The following NHSL2 variants were observed in gnomAD, a reference collection of about 807,000 sequenced individuals.
The protein encoded by NHSL2 is NHS like 2, also known as NHS-like protein 2.
Under a neutral mutation model 53.4 loss-of-function variants are expected in NHSL2, and 27 were observed. The observed-to-expected ratio is 0.51, with a 90% CI of 0.37 to 0.70. The LOEUF (loss-of-function observed/expected upper bound fraction) is 0.70. Ranked by LOEUF, NHSL2 falls within the 30% of genes least tolerant of loss-of-function variation. The pLI is 0.00. For synonymous variants in NHSL2, 408 were observed against 404.1 expected (o/e 1.01, Z -0.12); for missense variants, 892 against 980.1 (o/e 0.91, Z 1.20).
intron 1 of NHSL2, among the ~76,000 whole-genome samples, chrX:71,924,143 T>C (rs1457093030): frequency 1.8e-5 from 2 of 111,931 alleles, no homozygotes; most frequent in African/African-American, 6.5e-5. Flanking sequence ...TCTTAGCATT[T>C]AGTTGGGGAG....
At chrX:71,977,651 G>A (rs999764094) in intron 1 of NHSL2, among the ~76,000 whole-genome samples, 11 of 110,982 alleles carry the variant, frequency 9.9e-5, no homozygotes, top group African/African-American at 2.9e-4. Flanking sequence ...GAGCTCAAGC[G>A]ATCCACCCTC....
intron 1 of NHSL2, chrX:72,079,635 A>G (rs1346438218): frequency 8.9e-6 from 1 of 112,778 alleles, no homozygotes; most frequent in Non-Finnish European, 1.9e-5. Context: ...GTTCCAGGCC[A>G]AGAGAGAAAG....
intron 1 of NHSL2, among the ~76,000 whole-genome samples, chrX:71,954,814 T>A (rs973350533): frequency 8.9e-6 from 1 of 112,414 alleles, no homozygotes; most frequent in African/African-American, 3.2e-5. Flanking sequence ...TACCCTAGTG[T>A]CCTTTGTTTT....
At chrX:72,103,433 G>A (rs745457812) in intron 1 of NHSL2, among the ~76,000 whole-genome samples, 3 of 112,113 alleles carry the variant, frequency 2.7e-5, no homozygotes, top group Admixed American at 9.5e-5. Context: ...GTTTCTCACC[G>A]AGGGCATCAT....
intron 1 of NHSL2, among the ~76,000 whole-genome samples, chrX:72,102,829 AT>A (rs2042006258): frequency 8.9e-6 from 1 of 112,190 alleles, no homozygotes; most frequent in African/African-American, 3.2e-5. Context: ...GGCCTGGGAA[AT>A]AGGGAGCAGG....
chrX:72,028,668 G>C (rs751612182), intron 1 of NHSL2, among the ~76,000 whole-genome samples: 1 of 112,145 alleles, frequency 8.9e-6, no homozygotes, highest in South Asian at 3.7e-4. Flanking sequence ...GTTGGCACTA[G>C]AGTGGGTACA....
chrX:71,932,725 T>C (rs1053553891), intron 1 of NHSL2, among the ~76,000 whole-genome samples: 2 of 112,050 alleles, frequency 1.8e-5, no homozygotes, highest in African/African-American at 6.5e-5. Context: ...GGAGGAATCA[T>C]TGTTACTGAG....
intron 1 of NHSL2, among the ~76,000 whole-genome samples, chrX:72,012,794 A>G (rs918255629): frequency 8.9e-6 from 1 of 112,367 alleles, no homozygotes; most frequent in African/African-American, 3.2e-5. Context: ...CAAAAAGGCT[A>G]TCTTTCTTCC....
chrX:72,140,746 C>T lies in NHSL2; in HGVS notation c.3198C>T (p.Asp1066=), dbSNP rs2042412227. The change falls in exon 6 of 8, where the codon GAC becomes GAT. Residue 1066 remains aspartate (D), a synonymous_variant. Coordinates refer to ENST00000633930, the MANE Select transcript of NHSL2 (RefSeq NM_001013627.3). The part of the protein sequence containing the change: ...GQRVTSTPQA[D]SEREASPLGS... ...GGGTGACTTCAACTCCTCAGGCTGA[C>T]AGTGAAAGGGAGGCAAGCCCTCTGG... The T allele has an allele frequency of 8.4e-7, 1 of 1,185,017 alleles. No individual in the cohort carries two copies. Among genetic ancestry groups the T allele is most frequent in the African/African-American group, 1.8e-5 (1 of 56,612 alleles).
At chrX:72,051,408 C>G (rs1400479747) in intron 1 of NHSL2, among the ~76,000 whole-genome samples, 1 of 111,872 alleles carries the variant, frequency 8.9e-6, no homozygotes, top group Non-Finnish European at 1.9e-5. Flanking sequence ...CAAAATCGCT[C>G]TTTCAGATGG....
intron 1 of NHSL2, among the ~76,000 whole-genome samples, chrX:72,118,831 C>T (rs2042160688): frequency 8.9e-6 from 1 of 112,122 alleles, no homozygotes; most frequent in Admixed American, 9.5e-5. Context: ...AATGTCATAT[C>T]TAAGAAACCA....
chrX:72,142,450 A>G, intron 7 of NHSL2, 86 bp downstream of exon 7: 11 of 761,050 alleles, frequency 1.4e-5, no homozygotes, highest in Non-Finnish European at 2.0e-5. Flanking sequence ...TTGAAATCCT[A>G]ATTGTAAAAG....
At chrX:72,084,292 T>C (rs1234730594) in intron 1 of NHSL2, among the ~76,000 whole-genome samples, 2 of 112,335 alleles carry the variant, frequency 1.8e-5, no homozygotes, top group South Asian at 3.7e-4. Flanking sequence ...TCACTTGGAA[T>C]TGAGGCTTTC....
chrX:71,925,436 T>C (rs182576533), intron 1 of NHSL2, among the ~76,000 whole-genome samples: 1 of 109,152 alleles, frequency 9.2e-6, no homozygotes, highest in East Asian at 2.9e-4. Context: ...TTTTTTTTTT[T>C]AAGACGGAGT....
At chrX:72,018,524 G>A (rs1260092612) in intron 1 of NHSL2, among the ~76,000 whole-genome samples, 2 of 113,075 alleles carry the variant, frequency 1.8e-5, no homozygotes, top group East Asian at 5.7e-4. Flanking sequence ...GCGTTGCCGC[G>A]CCGCTACCGT....
intron 1 of NHSL2, among the ~76,000 whole-genome samples, chrX:71,970,517 T>C (rs950072896): frequency 2.7e-5 from 3 of 111,647 alleles, no homozygotes; most frequent in African/African-American, 9.7e-5. Context: ...TGTTGCCATA[T>C]AGTTGTTCAT....
chrX:71,944,073 C>CT (rs2041781367), intron 1 of NHSL2, among the ~76,000 whole-genome samples: 1 of 112,287 alleles, frequency 8.9e-6, no homozygotes, highest in South Asian at 3.7e-4. Context: ...TCTCCACACT[C>CT]TTGAGTATAG....
intron 1 of NHSL2, among the ~76,000 whole-genome samples, chrX:71,963,000 G>A (rs1158297514): frequency 9.1e-6 from 1 of 109,758 alleles, no homozygotes; most frequent in Non-Finnish European, 1.9e-5. Context: ...GGTCAGTCTA[G>A]CTAGAGATTT....
intron 1 of NHSL2, among the ~76,000 whole-genome samples, chrX:72,097,957 A>T (rs950260161): frequency 8.9e-6 from 1 of 112,434 alleles, no homozygotes; most frequent in Admixed American, 9.4e-5. Flanking sequence ...CACAGACACA[A>T]TTTACTGAGT....
Sources: allele counts gnomAD v4.1 joint callset (sites outside exome capture counted in the v4.1 genomes callset), GRCh38; gene constraint gnomAD v4.1.1; transcripts MANE v1.5; gene names NCBI Gene and HGNC (gene_info 2026-07-23, HGNC 2026-07-21).